The following ZNF189 variants were observed in gnomAD, a reference collection of about 807,000 sequenced individuals.
The protein encoded by ZNF189 is zinc finger protein 189.
Under a neutral mutation model 53.5 loss-of-function variants are expected in ZNF189, and 33 were observed. That is an observed-to-expected ratio of 0.62 (90% CI 0.47 to 0.82). ZNF189 has a LOEUF of 0.82. ZNF189 is among the 40% of genes least tolerant of loss of function. ZNF189 has a pLI of 0.00. For missense variants in ZNF189, 711 were observed against 753.9 expected, an observed-to-expected ratio of 0.94 and a Z score of 0.67; for synonymous variants, 247 against 238.8, an observed-to-expected ratio of 1.03 and a Z score of -0.32.
In ZNF189 at chr9:101,409,484, G is replaced by T. The variant is rs1283311798; in HGVS notation, c.1716G>T (p.Lys572Asn). 3.1e-6 allele frequency: 5 copies of T among 1,614,006 alleles called. No homozygotes were observed. In the African/African-American group the frequency reaches 6.7e-5, roughly 22 times the overall value. ...HTGEKPYKCEKCDKSFSQQRS... is the reference protein window; with the variant it reads ...HTGEKPYKCENCDKSFSQQRS... ...GAGAGAAACCTTATAAGTGTGAGAA[G>T]TGCGACAAAAGTTTCAGTCAACAGC... The change falls in exon 3 of 3, where the codon AAG becomes AAT. Residue 572 changes from lysine (K) to asparagine (N), a missense_variant. Physicochemically the swap from Lys to Asn is moderately conservative, Grantham distance 94. Transcript: ENST00000339664.
At chr9:101,407,395 TA>T (rs1040074272) in intron 2 of ZNF189, 10 of 398,424 alleles carry the variant, frequency 2.5e-5, no homozygotes, top group African/African-American at 6.2e-5. Context: ...TTTTTATTTT[TA>T]TTTTTTTGAG....
At position 101,409,474 on chromosome 9, in the gene ZNF189, AGT is replaced by A. The variant is rs1221921612; in HGVS notation, c.1710_1711del (p.Cys570Ter). On this transcript the variant is annotated frameshift_variant, in exon 3 of 3. Coordinates refer to ENST00000339664, the MANE Select transcript of ZNF189 (RefSeq NM_003452.4). LOFTEE classifies it high-confidence loss of function. ...ATACACACAGGAGAGAAACCTTATA[AGT>A]GTGAGAAGTGCGACAAAAGTTTCAG... 1 of 1,614,044 alleles carries A rather than the reference AGT, an allele frequency of 6.2e-7. No homozygotes were observed. The highest frequency in any genetic ancestry group is 8.5e-7 in the Non-Finnish European group (1 of 1,180,038).
rs1236492845 is a variant in ZNF189, at chr9:101,398,963, G to T, written c.-194G>T. ...GGAGTAGGGGTTGGGGTTCGGGGTTGGGGGACAGCCAGGGATCGCGTCTGA... is the reference window on the plus strand; with the variant it reads ...GGAGTAGGGGTTGGGGTTCGGGGTTTGGGGACAGCCAGGGATCGCGTCTGA... On this transcript the variant is annotated 5_prime_UTR_variant, in exon 1 of 3. Coordinates refer to ENST00000339664, the MANE Select transcript of ZNF189 (RefSeq NM_003452.4). 1 of 676,738 alleles carries T rather than the reference G, an allele frequency of 1.5e-6. No homozygotes were observed. Among genetic ancestry groups the T allele is most frequent in the Non-Finnish European group, 2.7e-6 (1 of 369,420 alleles). 41.9% of individuals were successfully genotyped at this position (676,738 alleles called of 1,614,324 possible). A position where few individuals can be genotyped will look rare whatever the true frequency, so the allele number is the denominator to read the frequency against.
intron 2 of ZNF189, among the ~76,000 whole-genome samples, chr9:101,400,549 G>T (rs1830496053): frequency 1.3e-5 from 2 of 152,148 alleles, no homozygotes; most frequent in South Asian, 4.1e-4. Flanking sequence ...CCTTCTTTGA[G>T]GTCTCAGCAG....
chr9:101,402,663 A>G (rs1285298974), intron 2 of ZNF189, among the ~76,000 whole-genome samples: 1 of 152,170 alleles, frequency 6.6e-6, no homozygotes, highest in Non-Finnish European at 1.5e-5. Flanking sequence ...ATACTATACT[A>G]CAATCATTCT....
chr9:101,401,500 A>G (rs1830532174), intron 2 of ZNF189, among the ~76,000 whole-genome samples: 1 of 152,116 alleles, frequency 6.6e-6, no homozygotes, highest in Non-Finnish European at 1.5e-5. Context: ...GATGATTGGT[A>G]TGTTCATAAC....
rs777613067 is a variant in ZNF189, at chr9:101,408,394, G to C, written c.626G>C (p.Cys209Ser). 2.5e-6 allele frequency: 4 copies of C among 1,614,030 alleles called. No individual in the cohort carries two copies. In the South Asian group the frequency reaches 3.3e-5, roughly 13 times the overall value. The change falls in exon 3 of 3, where the codon TGT becomes TCT. Residue 209 changes from cysteine (C) to serine (S), a missense_variant. Cys to Ser is a moderately radical substitution (Grantham distance 112). Transcript: ENST00000339664. ...TGERPYECNY[C>S]GKTFSVSSTL... is the part of the protein sequence containing the mutation. ...GAAAGGCCCTATGAGTGTAATTACTGTGGAAAAACCTTTAGTGTGAGCTCA... is the reference window on the plus strand; with the variant it reads ...GAAAGGCCCTATGAGTGTAATTACTCTGGAAAAACCTTTAGTGTGAGCTCA...
chr9:101,409,266 A>G lies in ZNF189; in HGVS notation c.1498A>G (p.Ile500Val), dbSNP rs1216226661. The change falls in exon 3 of 3, where the codon ATT (isoleucine) becomes GTT (valine). Residue 500 changes from isoleucine (I) to valine (V), a missense_variant. Transcript: ENST00000339664. ...AAGCTTCAGCCGGAGCTCATTTCTT[A>G]TTGAACATCAGAGAATCCACACTGG... ...GKSFSRSSFL[I>V]EHQRIHTGER... 1 of 1,613,558 alleles carries G rather than the reference A, an allele frequency of 6.2e-7. No homozygotes were observed. The highest frequency in any genetic ancestry group is 8.5e-7 in the Non-Finnish European group (1 of 1,179,546).
chr9:101,401,268 T>G (rs890002085), intron 2 of ZNF189, among the ~76,000 whole-genome samples: 2 of 152,206 alleles, frequency 1.3e-5, no homozygotes, highest in African/African-American at 2.4e-5. Context: ...CCTGTTCTTT[T>G]TAGTGACTAT....
chr9:101,400,433 C>T (rs1830491515), intron 2 of ZNF189, among the ~76,000 whole-genome samples: 1 of 152,162 alleles, frequency 6.6e-6, no homozygotes, highest in Admixed American at 6.5e-5. Flanking sequence ...ACATCCTCCT[C>T]CTTCCCCATC....
At chr9:101,401,941 G>A (rs1035815455) in intron 2 of ZNF189, among the ~76,000 whole-genome samples, 2 of 150,676 alleles carry the variant, frequency 1.3e-5, no homozygotes. Context: ...TCAAGTCATA[G>A]CCTCATTCTG....
At chr9:101,399,296 T>G in intron 1 of ZNF189, 107 bp downstream of exon 1, 1 of 1,439,020 alleles carries the variant, frequency 6.9e-7, no homozygotes, top group Non-Finnish European at 9.2e-7. Context: ...GACCGCCTCT[T>G]TAGGGCCAGC....
At chr9:101,400,821 G>A (rs2118187162) in intron 2 of ZNF189, among the ~76,000 whole-genome samples, 1 of 152,302 alleles carries the variant, frequency 6.6e-6, no homozygotes, top group South Asian at 2.1e-4. Context: ...TTCGGAAATG[G>A]AAGTTTATTG....
Position 101,408,400 on chromosome 9 carries a change from A to G in ZNF189, c.632A>G (p.Lys211Arg), listed in dbSNP as rs749073711. 29 of 1,613,922 alleles carry G rather than the reference A, an allele frequency of 1.8e-5. No individual in the cohort carries two copies. In the East Asian group the frequency reaches 5.8e-4, roughly 32 times the overall value. Residue 211 changes from lysine to arginine, a missense_variant, in exon 3 of 3, where the codon AAA (lysine) becomes AGA (arginine). Physicochemically the swap from Lys to Arg is conservative, Grantham distance 26. Transcript: ENST00000339664. ...ERPYECNYCG[K>R]TFSVSSTLIR... The stretch of plus-strand genomic sequence containing the variant: ...CCCTATGAGTGTAATTACTGTGGAA[A>G]AACCTTTAGTGTGAGCTCAACCCTT...
At chr9:101,399,537 G>C (rs796534343) in intron 1 of ZNF189, 1 of 1,279,584 alleles carries the variant, frequency 7.8e-7, no homozygotes. Context: ...CAAGGTACAC[G>C]CTTAGAGAAC....
chr9:101,399,162 T>C lies in ZNF189; in HGVS notation c.6T>C (p.Ala2=), dbSNP rs1339888743. 6.3e-7 allele frequency: 1 copy of C among 1,595,422 alleles called. No individual in the cohort carries two copies. Residue 2 remains alanine, a synonymous_variant, in exon 1 of 3, where the codon GCT becomes GCC. Coordinates refer to ENST00000339664, the MANE Select transcript of ZNF189 (RefSeq NM_003452.4). ...CCCTATTCTCTGCCTGGGAGATGGC[T>C]TCCCCGAGCCCCCCGCCGGAGTCGA... M[A]SPSPPPESKG...
intron 1 of ZNF189, chr9:101,399,416 GAGA>G: frequency 7.3e-7 from 1 of 1,365,278 alleles, no homozygotes; most frequent in Non-Finnish European, 9.4e-7. Flanking sequence ...AAATCGGCCT[GAGA>G]AAATAAGTAA....
chr9:101,407,338 G>T (rs761029756), intron 2 of ZNF189: 2 of 396,874 alleles, frequency 5.0e-6, no homozygotes, highest in Non-Finnish European at 8.9e-6. Flanking sequence ...ATGAATTATT[G>T]TTTCCCCTGG....
Position 101,407,982 on chromosome 9 carries a change from G to T in ZNF189, c.214G>T (p.Glu72Ter), listed in dbSNP as rs1378478182. 2 of 1,603,650 alleles carry T rather than the reference G, an allele frequency of 1.2e-6. No individual in the cohort carries two copies. Among genetic ancestry groups the T allele is most frequent in the Non-Finnish European group, 1.7e-6 (2 of 1,176,544 alleles). Reference protein sequence around the residue: ...EEPTVKQEIEEIEEEVEPQGV... With the variant: ...EEPTVKQEIE ...GCCAACTGTAAAACAAGAGATTGAA[G>T]AAATTGAGGAAGAAGTGGAACCACA... Residue 72 changes from glutamate to a stop codon, truncating the protein, a stop_gained, in exon 3 of 3, where the codon GAA (glutamate) becomes TAA (stop). Transcript: ENST00000339664. LOFTEE classifies it high-confidence loss of function.
Sources: gnomAD v4.1 joint callset for allele counts (sites outside exome capture counted in the v4.1 genomes callset) on GRCh38, gnomAD v4.1.1 for gene constraint, MANE v1.5 for transcripts, NCBI Gene and HGNC (gene_info 2026-07-23, HGNC 2026-07-21) for gene names.